The following MRC1 variants were observed in gnomAD, a reference collection of about 807,000 sequenced individuals.
MRC1 encodes mannose receptor C-type 1.
A neutral mutation model predicts 102.9 loss-of-function variants in MRC1; 62 were observed. The ratio of observed to expected loss-of-function variants is 0.60; its 90% CI spans 0.49 to 0.74. The LOEUF (loss-of-function observed/expected upper bound fraction) is 0.74, where lower values mean the gene tolerates loss of function less well. Ranked by LOEUF, MRC1 falls within the 30% of genes least tolerant of loss-of-function variation. MRC1 has a pLI of 0.00. For synonymous variants in MRC1, 457 were observed against 298.4 expected, an observed-to-expected ratio of 1.53 and a Z score of -5.48; for missense variants, 1,237 against 862.8, an observed-to-expected ratio of 1.43 and a Z score of -5.43.
intron 12 of MRC1, among the ~76,000 whole-genome samples, chr10:17,869,371 G>A (rs912290851): frequency 2.3e-4 from 35 of 152,290 alleles, no homozygotes; most frequent in African/African-American, 7.0e-4. Flanking sequence ...TCAAGTTAGG[G>A]TCAAGGTGAA....
chr10:17,857,015 C>T (rs1833102975), intron 9 of MRC1, among the ~76,000 whole-genome samples: 1 of 152,142 alleles, frequency 6.6e-6, no homozygotes, highest in African/African-American at 2.4e-5. Context: ...TCTACTTTCT[C>T]ATTTTCTTTG....
At chr10:17,893,861 T>C (rs1833715062) in intron 22 of MRC1, among the ~76,000 whole-genome samples, 1 of 152,234 alleles carries the variant, frequency 6.6e-6, no homozygotes, top group African/African-American at 2.4e-5. Flanking sequence ...TGGGTTTGAA[T>C]ACTGGTAATT....
chr10:17,893,230 A>G (rs1315496910), intron 22 of MRC1, among the ~76,000 whole-genome samples: 1 of 142,976 alleles, frequency 7.0e-6, no homozygotes, highest in African/African-American at 2.6e-5. Flanking sequence ...GTCATAGCTC[A>G]CTGCAGCCTC....
rs782450598 is a variant in MRC1, at chr10:17,833,797, C to G, written c.760C>G (p.Leu254Val). The stretch of plus-strand genomic sequence containing the variant: ...AAGCTGCCAACAACAGAACGCTGAG[C>G]TCCTGAGCATCACAGAGATTCATGA... ...RKSCQQQNAE[L>V]LSITEIHEQT... The change falls in exon 4 of 30, where the codon CTC becomes GTC. Residue 254 changes from leucine (L) to valine (V), a missense_variant. Leu to Val is a conservative substitution (Grantham distance 32). Transcript: ENST00000569591. 1.3e-6 allele frequency: 1 copy of G among 781,110 alleles called. No individual in the cohort carries two copies. The allele number at this position is 781,110 out of a possible 1,614,324, so 48.4% of individuals were successfully genotyped here. A position where few individuals can be genotyped will look rare whatever the true frequency, so the allele number is the denominator to read the frequency against.
intron 15 of MRC1, among the ~76,000 whole-genome samples, chr10:17,873,054 T>A (rs1369245710): frequency 6.6e-6 from 1 of 152,204 alleles, no homozygotes; most frequent in Non-Finnish European, 1.5e-5. Context: ...TATCTACCAA[T>A]GGCTAGTATC....
intron 9 of MRC1, 90 bp downstream of exon 9, chr10:17,856,442 T>C (rs1833094427): frequency 1.3e-6 from 1 of 768,244 alleles, no homozygotes; most frequent in Non-Finnish European, 2.3e-6. Flanking sequence ...TGCCTTGTTA[T>C]TGCAGTAGCC....
At chr10:17,847,846 A>G (rs1417813183) in intron 6 of MRC1, among the ~76,000 whole-genome samples, 1 of 151,784 alleles carries the variant, frequency 6.6e-6, no homozygotes, top group Non-Finnish European at 1.5e-5. Flanking sequence ...ACTATTTTCA[A>G]TTTCCTAGGT....
intron 1 of MRC1, among the ~76,000 whole-genome samples, chr10:17,822,037 T>C (rs1838403549): frequency 6.6e-6 from 1 of 152,212 alleles, no homozygotes; most frequent in African/African-American, 2.4e-5. Flanking sequence ...TCAATTTTGA[T>C]TTAATTAAAG....
intron 1 of MRC1, among the ~76,000 whole-genome samples, chr10:17,818,797 T>C (rs1554838075): frequency 6.6e-6 from 1 of 152,116 alleles, no homozygotes; most frequent in Non-Finnish European, 1.5e-5. Context: ...AGGGTCTGTC[T>C]CAAGGAAAGA....
At chr10:17,849,051 A>T (rs1414377267) in intron 6 of MRC1, among the ~76,000 whole-genome samples, 1 of 152,186 alleles carries the variant, frequency 6.6e-6, no homozygotes, top group Non-Finnish European at 1.5e-5. Context: ...TAAACAGTGC[A>T]TAACAGATGC....
chr10:17,853,302 G>T (rs2130647801), intron 8 of MRC1, among the ~76,000 whole-genome samples, 178 bp downstream of exon 8: 1 of 152,248 alleles, frequency 6.6e-6, no homozygotes, highest in African/African-American at 2.4e-5. Context: ...GTCTAGCAAA[G>T]TCAAATTTTC....
chr10:17,889,874 G>A (rs1833649685), intron 22 of MRC1, among the ~76,000 whole-genome samples: 1 of 152,050 alleles, frequency 6.6e-6, no homozygotes, highest in Admixed American at 6.6e-5. Flanking sequence ...TCAGAATAAG[G>A]AAAATGAAAA....
At chr10:17,815,616 TAGG>T (rs1838299014) in intron 1 of MRC1, among the ~76,000 whole-genome samples, 2 of 152,058 alleles carry the variant, frequency 1.3e-5, no homozygotes, top group Admixed American at 6.5e-5. Flanking sequence ...TTTAAGGTGG[TAGG>T]AGGGAAGTTG....
At chr10:17,831,708 A>T (rs1325492) in intron 3 of MRC1, among the ~76,000 whole-genome samples, 30,834 of 151,182 alleles carry the variant, frequency 0.2, 3,717 homozygotes, top group Non-Finnish European at 0.25. Context: ...AAATGAAAAG[A>T]TCATTACTTC....
At chr10:17,892,807 C>G (rs940485121) in intron 22 of MRC1, among the ~76,000 whole-genome samples, 1 of 151,886 alleles carries the variant, frequency 6.6e-6, no homozygotes, top group African/African-American at 2.4e-5. Flanking sequence ...GTCAAGAGAT[C>G]GAGACCATCC....
intron 7 of MRC1, among the ~76,000 whole-genome samples, chr10:17,850,559 G>A (rs892385177): frequency 2.0e-5 from 3 of 152,160 alleles, no homozygotes; most frequent in South Asian, 2.1e-4. Flanking sequence ...TGCTTGTCCC[G>A]AAGATGAGCG....
chr10:17,857,723 A>G (rs1833116230), intron 9 of MRC1, among the ~76,000 whole-genome samples: 1 of 152,236 alleles, frequency 6.6e-6, no homozygotes, highest in South Asian at 2.1e-4. Context: ...ACTCATCAAC[A>G]AAGGAAGATA....
At position 17,817,192 on chromosome 10, in the gene MRC1, A is replaced by G. The variant is rs941321080; in HGVS notation, c.62-5882A>G. 7.9e-5 allele frequency among the ~76,000 whole-genome samples: 12 copies of G among 151,226 alleles called. No homozygotes were observed. The East Asian group carries it at 1.4e-3, about 17-fold the overall frequency. On this transcript the variant is annotated intron_variant, in intron 1 of 29. Coordinates refer to ENST00000569591, the MANE Select transcript of MRC1 (RefSeq NM_002438.4). ...TTGAACCTGGGAGGCGGAGGTTGCA[A>G]CGTGTTGAGATCACACCACTGCACT...
chr10:17,812,976 G>A (rs1455855236), intron 1 of MRC1, among the ~76,000 whole-genome samples: 2 of 152,122 alleles, frequency 1.3e-5, no homozygotes, highest in African/African-American at 4.8e-5. Context: ...ATCATGAAAA[G>A]CCTAGAACAT....
Sources: gnomAD v4.1 joint callset for allele counts (sites outside exome capture counted in the v4.1 genomes callset) on GRCh38, gnomAD v4.1.1 for gene constraint, MANE v1.5 for transcripts, NCBI Gene and HGNC (gene_info 2026-07-23, HGNC 2026-07-21) for gene names.